The following PIK3CD variants were observed in gnomAD, a reference collection of about 807,000 sequenced individuals.
PIK3CD encodes the protein phosphatidylinositol 4,5-bisphosphate 3-kinase catalytic subunit delta isoform.
A neutral mutation model predicts 122.9 loss-of-function variants in PIK3CD; 20 were observed. The observed-to-expected ratio is 0.16, with a 90% CI of 0.11 to 0.24. The LOEUF (loss-of-function observed/expected upper bound fraction) is 0.24, where lower values mean the gene tolerates loss of function less well. Among genes scored for constraint, PIK3CD ranks in the 10% least tolerant of loss-of-function variants. PIK3CD has a pLI of 1.00. For missense variants in PIK3CD, 787 were observed against 1,406.3 expected (o/e 0.56, Z 7.04); for synonymous variants, 596 against 593.4 (o/e 1.00, Z -0.06).
At chr1:9,679,295 T>G (rs1156237072) in intron 1 of PIK3CD, among the ~76,000 whole-genome samples, 1 of 152,032 alleles carries the variant, frequency 6.6e-6, no homozygotes, top group East Asian at 1.9e-4. Flanking sequence ...CTTGAACTCC[T>G]GACTTCAGGT....
At position 9,722,052 on chromosome 1, in the gene PIK3CD, C is replaced by T; in HGVS notation, c.2133C>T (p.Thr711=). Residue 711 remains threonine, a synonymous_variant, in exon 17 of 24, where the codon ACC becomes ACT. Coordinates refer to ENST00000377346, the MANE Select transcript of PIK3CD (RefSeq NM_005026.5). This position sits in a 1 kb window ranked among gnomAD's most constrained non-coding sequence, Gnocchi z 7.6. ...LSSQKTPKPQ[T]KELMHLCMRQ... is the part of the protein sequence containing the mutation. ...CTCAGAAGACCCCCAAGCCCCAGAC[C>T]AAGGAGCTGATGCACTTGTGCATGC... 1 of 1,613,724 alleles carries T rather than the reference C, an allele frequency of 6.2e-7. No homozygotes were observed. Among genetic ancestry groups the T allele is most frequent in the South Asian group, 1.1e-5 (1 of 91,090 alleles).
At chr1:9,633,955 AC>A in the PIK3CD span, among the ~76,000 whole-genome samples, 573 of 151,958 alleles carry the variant, frequency 3.8e-3, 3 homozygotes, top group Middle Eastern at 0.01. Context: ...CATTCCAGTT[AC>A]TAGGCTCACA....
chr1:9,720,284 G>A lies in PIK3CD; in HGVS notation c.1470+42G>A, dbSNP rs759279984. Reference sequence around the variant, plus strand: ...CCGCGTGAGGCTGAGGGGCTGGCGCGGAGCTCTCCTGGCCCTGCTCCTGGA... The same window carrying A: ...CCGCGTGAGGCTGAGGGGCTGGCGCAGAGCTCTCCTGGCCCTGCTCCTGGA... On this transcript the variant is annotated intron_variant, in intron 11 of 23. Coordinates refer to ENST00000377346, the MANE Select transcript of PIK3CD (RefSeq NM_005026.5). The surrounding 1 kb of genome is among the most constrained non-coding windows in gnomAD (Gnocchi z 9.0). 3.3e-5 allele frequency: 52 copies of A among 1,584,076 alleles called. No homozygotes were observed. In the South Asian group the frequency reaches 3.4e-4, roughly 10 times the overall value.
intron 3 of PIK3CD, among the ~76,000 whole-genome samples, chr1:9,711,881 A>G (rs1647066313): frequency 1.3e-5 from 2 of 151,840 alleles, no homozygotes; most frequent in South Asian, 4.1e-4. Context: ...AGCTGTTGCC[A>G]TAGTAAACAA....
chr1:9,700,601 C>T lies in PIK3CD; in HGVS notation c.-33+9030C>T, dbSNP rs772538552. On this transcript the variant is annotated intron_variant, in intron 2 of 23. Coordinates refer to ENST00000377346, the MANE Select transcript of PIK3CD (RefSeq NM_005026.5). This position sits in a 1 kb window ranked among gnomAD's most constrained non-coding sequence, Gnocchi z 5.1. ...ACTGGGTGACGCGACCCCAGCTCCC[C>T]GCTCTGTGTCTAGGCCGTCTCACCT... 1.2e-4 allele frequency among the ~76,000 whole-genome samples: 18 copies of T among 152,244 alleles called. No homozygotes were observed. Among genetic ancestry groups the T allele is most frequent in the Admixed American group, 3.9e-4 (6 of 15,294 alleles).
chr1:9,718,336 A>T lies in PIK3CD; in HGVS notation c.1021-358A>T, dbSNP rs529861040. 1.2e-4 allele frequency among the ~76,000 whole-genome samples: 18 copies of T among 152,100 alleles called. No individual in the cohort carries two copies. Among genetic ancestry groups the T allele is most frequent in the Admixed American group, 3.3e-4 (5 of 15,278 alleles). On this transcript the variant is annotated intron_variant, in intron 8 of 23. Transcript: ENST00000377346. The surrounding 1 kb of genome is among the most constrained non-coding windows in gnomAD (Gnocchi z 7.2). Reference sequence around the variant, plus strand: ...GCAGGAAAAGTCCTTCCCCACCCACATGGGCTCATAGGAATCTGAGAAGTC... The same window carrying T: ...GCAGGAAAAGTCCTTCCCCACCCACTTGGGCTCATAGGAATCTGAGAAGTC...
chr1:9,647,110 TAA>T (rs201689805), upstream of PIK3CD, among the ~76,000 whole-genome samples: 1 of 138,984 alleles, frequency 7.2e-6, no homozygotes, highest in Non-Finnish European at 1.6e-5. Flanking sequence ...AGACTCTGTC[TAA>T]AAAAAAAAAA....
Position 9,721,264 on chromosome 1 carries a change from G to A in PIK3CD, c.1811+16G>A. ...GGAAACTGACGTGAGTCCCAGCTGG[G>A]CGCTCCCCACTTCTCCAGAGGGCAG... On this transcript the variant is annotated intron_variant, in intron 14 of 23. Transcript: ENST00000377346. The A allele has an allele frequency of 6.2e-7, 1 of 1,613,082 alleles. No homozygotes were observed. The highest frequency in any genetic ancestry group is 8.5e-7 in the Non-Finnish European group (1 of 1,179,990).
chr1:9,630,652 GC>G, the PIK3CD span, among the ~76,000 whole-genome samples: 4 of 152,122 alleles, frequency 2.6e-5, no homozygotes, highest in Non-Finnish European at 5.9e-5. Context: ...GGGGGCCAAG[GC>G]AGGTAACATC....
intron 1 of PIK3CD, among the ~76,000 whole-genome samples, chr1:9,654,825 C>T (rs1377376182): frequency 1.3e-5 from 2 of 151,682 alleles, no homozygotes; most frequent in African/African-American, 2.4e-5. Flanking sequence ...TTTGGGAGGC[C>T]GAGGTGGGCG....
In PIK3CD at chr1:9,710,662, T is replaced by C. The variant is rs563861774; in HGVS notation, c.141+66T>C. On this transcript the variant is annotated intron_variant, in intron 3 of 23. Transcript: ENST00000377346. This position sits in a 1 kb window ranked among gnomAD's most constrained non-coding sequence, Gnocchi z 4.7. The stretch of plus-strand genomic sequence containing the variant: ...AGAGAGAGAGAGAGAGAGACACAGA[T>C]AGACAGACAGACAGACAGACAGATG... 1,742 of 1,452,748 alleles carry C rather than the reference T, an allele frequency of 1.2e-3. 10 individuals are homozygous for C. The African/African-American group carries it at 0.021, about 17-fold the overall frequency. The allele number at this position is 1,452,748 out of a possible 1,614,324, so 90.0% of individuals were successfully genotyped here. A position where few individuals can be genotyped will look rare whatever the true frequency, so the allele number is the denominator to read the frequency against.
At chr1:9,709,294 TG>T (rs1249736076) in intron 2 of PIK3CD, among the ~76,000 whole-genome samples, 1 of 152,148 alleles carries the variant, frequency 6.6e-6, no homozygotes, top group African/African-American at 2.4e-5. Flanking sequence ...TCTGCCTGCC[TG>T]GGCCTCCCAA....
rs4846234 is a variant in PIK3CD, at chr1:9,726,335, C to T, written c.2998-574C>T. 0.018 allele frequency among the ~76,000 whole-genome samples: 2,722 copies of T among 151,754 alleles called. 181 individuals carry two copies. The East Asian group carries it at 0.19, about 11-fold the overall frequency. On this transcript the variant is annotated intron_variant, in intron 23 of 23. Coordinates refer to ENST00000377346, the MANE Select transcript of PIK3CD (RefSeq NM_005026.5). ...CATCCTGGCTAACACGGTGAAACCC[C>T]GTCTCTACTAAAAAATACAAAAAAT...
intron 3 of PIK3CD, among the ~76,000 whole-genome samples, chr1:9,714,511 TG>T (rs2100827418): frequency 6.6e-6 from 1 of 152,304 alleles, no homozygotes; most frequent in African/African-American, 2.4e-5. Flanking sequence ...TTTTTTTGTT[TG>T]TTTTTTAATG....
chr1:9,650,162 G>A (rs1311745048), upstream of PIK3CD, among the ~76,000 whole-genome samples: 2 of 152,134 alleles, frequency 1.3e-5, no homozygotes, highest in Admixed American at 1.3e-4. Flanking sequence ...GGTGGTTCAC[G>A]CCTGTAATCC....
Position 9,720,513 on chromosome 1 carries a change from C to G in PIK3CD, c.1471-98C>G. 1 of 1,537,372 alleles carries G rather than the reference C, an allele frequency of 6.5e-7. No homozygotes were observed. Among genetic ancestry groups the G allele is most frequent in the Non-Finnish European group, 8.8e-7 (1 of 1,138,282 alleles). On this transcript the variant is annotated intron_variant, in intron 11 of 23. Transcript: ENST00000377346. This position sits in a 1 kb window ranked among gnomAD's most constrained non-coding sequence, Gnocchi z 9.0. ...ATGCGCCTCCATGCAGAGGACAGCG[C>G]CCCCTCAAGGATGATTGGGGTGGCA...
chr1:9,660,029 C>A (rs1405234448), intron 1 of PIK3CD, among the ~76,000 whole-genome samples: 1 of 152,244 alleles, frequency 6.6e-6, no homozygotes, highest in Non-Finnish European at 1.5e-5. Context: ...GATTCTCCTG[C>A]CTCAGCCTCC....
rs767121276 is a variant in PIK3CD at position 9,710,569 on chromosome 1, C to T, written c.114C>T (p.Arg38=). Residue 38 remains arginine (R), a synonymous_variant, in exon 3 of 24, where the codon CGC becomes CGT. Coordinates refer to ENST00000377346, the MANE Select transcript of PIK3CD (RefSeq NM_005026.5). This position sits in a 1 kb window ranked among gnomAD's most constrained non-coding sequence, Gnocchi z 4.7. ...TCTACCTGAACTTCCCTGTGTCCCG[C>T]AATGCCAACCTCAGCACCATCAAGC... ...TGVYLNFPVS[R]NANLSTIKQL... The T allele has an allele frequency of 1.8e-5, 29 of 1,613,906 alleles. No individual in the cohort carries two copies. Among genetic ancestry groups the T allele is most frequent in the Admixed American group, 3.3e-5 (2 of 59,976 alleles).
chr1:9,716,395 CG>C (rs773496860), intron 5 of PIK3CD, 44 bp from the exon 6 acceptor site: 3 of 1,597,324 alleles, frequency 1.9e-6, no homozygotes, highest in African/African-American at 2.7e-5. Context: ...CCCAGAACCC[CG>C]GGGGGCCTCG....
Sources: gnomAD v4.1 joint callset for allele counts (sites outside exome capture counted in the v4.1 genomes callset) on GRCh38, gnomAD v4.1.1 for gene constraint, Gnocchi (gnomAD v3.1) non-coding constraint, MANE v1.5 for transcripts, NCBI Gene and HGNC (gene_info 2026-07-23, HGNC 2026-07-21) for gene names.